The following OR51A4 variants were observed in gnomAD, a reference collection of about 807,000 sequenced individuals.
OR51A4 encodes the protein olfactory receptor family 51 subfamily A member 4.
For missense variants in OR51A4, 243 were observed against 364.0 expected, an observed-to-expected ratio of 0.67 and a Z score of 2.70; for synonymous variants, 96 against 141.5, an observed-to-expected ratio of 0.68 and a Z score of 2.28.
rs763198309 is a variant in OR51A4, at chr11:4,946,320, C to A, written c.781G>T (p.Val261Phe). Reference protein sequence around the residue: ...IFYLPIINLAVVHRFARHVSP... With the variant: ...IFYLPIINLAFVHRFARHVSP... ...ACATGCCGGGCAAAGCGGTGGACAA[C>A]GGCCAGGTTGATGATGGGCAGGTAG... is the stretch of plus-strand genomic sequence containing the variant. Residue 261 changes from valine (V) to phenylalanine (F), a missense_variant, in exon 2 of 2, where the codon GTT becomes TTT. By Grantham distance (50) the Val-to-Phe change is conservative. Coordinates refer to ENST00000641898, the MANE Select transcript of OR51A4 (RefSeq NM_001005329.2). 1 of 1,613,838 alleles carries A rather than the reference C, an allele frequency of 6.2e-7. No homozygotes were observed. Among genetic ancestry groups the A allele is most frequent in the East Asian group, 2.2e-5 (1 of 44,872 alleles).
At position 4,943,823 on chromosome 11, in the gene OR51A4, C is replaced by A. The variant is rs536577201; in HGVS notation, c.*2336G>T. ...ACCTCCCCCATTGAGATTTATGTAT[C>A]TTTATTTTATTTTTCATTTCATTTT... On this transcript the variant is annotated 3_prime_UTR_variant, in exon 2 of 2. Coordinates refer to ENST00000641898, the MANE Select transcript of OR51A4 (RefSeq NM_001005329.2). 1 of 442,790 alleles carries A rather than the reference C, an allele frequency of 2.3e-6. No homozygotes were observed. Among genetic ancestry groups the A allele is most frequent in the East Asian group, 7.0e-5 (1 of 14,218 alleles). 27.4% of individuals were successfully genotyped at this position (442,790 alleles called of 1,614,324 possible).
Position 4,946,094 on chromosome 11 carries a change from A to G in OR51A4, c.*65T>C. 3 of 1,385,092 alleles carry G rather than the reference A, an allele frequency of 2.2e-6. No individual in the cohort carries two copies. In the South Asian group the frequency reaches 3.8e-5, roughly 17 times the overall value. 85.8% of individuals were successfully genotyped at this position (1,385,092 alleles called of 1,614,324 possible). A position where few individuals can be genotyped will look rare whatever the true frequency, so the allele number is the denominator to read the frequency against. On this transcript the variant is annotated 3_prime_UTR_variant, in exon 2 of 2. Transcript: ENST00000641898. ...TTGATAATTCTTGGTGTCAAATATT[A>G]GGTTTCTCAAATTTACCTTAAATAT...
rs964109919 is a variant in OR51A4 at position 4,946,054 on chromosome 11, C to T, written c.*105G>A. The T allele has an allele frequency of 7.3e-6, 8 of 1,096,116 alleles. No homozygotes were observed. In the African/African-American group the frequency reaches 1.1e-4, roughly 15 times the overall value. 67.9% of individuals were successfully genotyped at this position (1,096,116 alleles called of 1,614,324 possible). On this transcript the variant is annotated 3_prime_UTR_variant, in exon 2 of 2. Coordinates refer to ENST00000641898, the MANE Select transcript of OR51A4 (RefSeq NM_001005329.2). ...AGTGAATAAAATAACTCTATGACAACAACAAAAATATGTGTTGATAATTCT... is the reference window on the plus strand; with the variant it reads ...AGTGAATAAAATAACTCTATGACAATAACAAAAATATGTGTTGATAATTCT...
chr11:4,943,968 T>A lies in OR51A4; in HGVS notation c.*2191A>T, dbSNP rs1393370922. ...TAAAGCCACCTAATTACTCCTCATC[T>A]TTTTAGTGGAAATGAAGTCTTCATA... On this transcript the variant is annotated 3_prime_UTR_variant, in exon 2 of 2. Coordinates refer to ENST00000641898, the MANE Select transcript of OR51A4 (RefSeq NM_001005329.2). 3 of 409,020 alleles carry A rather than the reference T, an allele frequency of 7.3e-6. No individual in the cohort carries two copies. In the East Asian group the frequency reaches 2.2e-4, roughly 30 times the overall value. 25.3% of individuals were successfully genotyped at this position (409,020 alleles called of 1,614,324 possible).
chr11:4,947,511 A>G lies in OR51A4; in HGVS notation c.-63+34T>C, dbSNP rs1846331194. The G allele has an allele frequency of 1.4e-5, 2 of 140,236 alleles. 1 individual carries two copies. The highest frequency in any genetic ancestry group is 3.1e-5 in the Non-Finnish European group (2 of 64,054). The allele number at this position is 140,236 out of a possible 1,614,324, so 8.7% of individuals were successfully genotyped here. On this transcript the variant is annotated intron_variant, in intron 1 of 1. Coordinates refer to ENST00000641898, the MANE Select transcript of OR51A4 (RefSeq NM_001005329.2). ...AATTGCCAGTAATAATAGTCAAATG[A>G]AAGCTAAATAAATGAGAATACCTGG...
At position 4,943,667 on chromosome 11, in the gene OR51A4, CTT is replaced by C. The variant is rs915610290; in HGVS notation, c.*2490_*2491del. ...TGTCCCCAGACATTGCCAAATGTCT[CTT>C]GGAGGTAACATTGCTGCCAGTTGAG... On this transcript the variant is annotated 3_prime_UTR_variant, in exon 2 of 2. Coordinates refer to ENST00000641898, the MANE Select transcript of OR51A4 (RefSeq NM_001005329.2). 5 of 359,158 alleles carry C rather than the reference CTT, an allele frequency of 1.4e-5. No individual in the cohort carries two copies. The Admixed American group carries it at 1.8e-4, about 13-fold the overall frequency. 22.2% of individuals were successfully genotyped at this position (359,158 alleles called of 1,614,324 possible).
Position 4,944,924 on chromosome 11 carries a change from T to A in OR51A4, c.*1235A>T, listed in dbSNP as rs1010934753. The A allele has an allele frequency of 6.6e-6, 1 of 152,172 alleles. No individual in the cohort carries two copies. The highest frequency in any genetic ancestry group is 1.5e-5 in the Non-Finnish European group (1 of 68,020). 9.4% of individuals were successfully genotyped at this position (152,172 alleles called of 1,614,324 possible). On this transcript the variant is annotated 3_prime_UTR_variant, in exon 2 of 2. Transcript: ENST00000641898. ...TTTTCAACAAACATGGTCTTATTTT[T>A]AAATTCATTCATTAGCAATTATTTA...
intron 1 of OR51A4, 114 bp from the exon 2 acceptor site, chr11:4,947,276 T>A: frequency 2.1e-6 from 1 of 475,294 alleles, no homozygotes. Context: ...GGTTGGTTGC[T>A]GCTTTGGACT....
rs1846329590 is a variant in OR51A4 at position 4,947,417 on chromosome 11, G to A, written c.-63+128C>T. On this transcript the variant is annotated intron_variant, in intron 1 of 1. Transcript: ENST00000641898. ...TTCCTGTAAAATATTAGTAAACGCTGGTCAATTAACTGGAATCTTCTATTT... is the reference window on the plus strand; with the variant it reads ...TTCCTGTAAAATATTAGTAAACGCTAGTCAATTAACTGGAATCTTCTATTT... The A allele has an allele frequency of 4.7e-5, 10 of 211,502 alleles. 1 individual carries two copies. The South Asian group carries it at 8.7e-4, about 18-fold the overall frequency. The allele number at this position is 211,502 out of a possible 1,614,324, so 13.1% of individuals were successfully genotyped here.
rs1209280730 is a variant in OR51A4 at position 4,945,220 on chromosome 11, T to C, written c.*939A>G. ...ATACAAACTAGGGCTAGGTAATCTA[T>C]GAGGAAATTAAGCCAAAATTTAAAG... On this transcript the variant is annotated 3_prime_UTR_variant, in exon 2 of 2. Coordinates refer to ENST00000641898, the MANE Select transcript of OR51A4 (RefSeq NM_001005329.2). The C allele has an allele frequency of 2.0e-5, 3 of 152,032 alleles. No homozygotes were observed. Among genetic ancestry groups the C allele is most frequent in the Admixed American group, 6.6e-5 (1 of 15,252 alleles). The allele number at this position is 152,032 out of a possible 1,614,324, so 9.4% of individuals were successfully genotyped here.
In OR51A4 at chr11:4,943,406, G is replaced by T; in HGVS notation, c.*2753C>A. On this transcript the variant is annotated 3_prime_UTR_variant, in exon 2 of 2. Transcript: ENST00000641898. ...CTCTGGTATCAGATTGCCCCTAGGT[G>T]CTGTGTAGGTGAGCTCAAGGTAATT... is the stretch of plus-strand genomic sequence containing the variant. 1 of 451,136 alleles carries T rather than the reference G, an allele frequency of 2.2e-6. No homozygotes were observed. Among genetic ancestry groups the T allele is most frequent in the South Asian group, 1.6e-5 (1 of 63,704 alleles). 27.9% of individuals were successfully genotyped at this position (451,136 alleles called of 1,614,324 possible). A position where few individuals can be genotyped will look rare whatever the true frequency, so the allele number is the denominator to read the frequency against.
Position 4,947,467 on chromosome 11 carries a change from C to T in OR51A4, c.-63+78G>A. 1.2e-5 allele frequency: 2 copies of T among 170,490 alleles called. 1 individual carries two copies. The highest frequency in any genetic ancestry group is 2.4e-5 in the Non-Finnish European group (2 of 82,182). 10.6% of individuals were successfully genotyped at this position (170,490 alleles called of 1,614,324 possible). On this transcript the variant is annotated intron_variant, in intron 1 of 1. Transcript: ENST00000641898. ...TCTTGCTCTCAGATCTATGTTCTGA[C>T]CTTCAGTTCTATGTGATTAATTGCC...
Position 4,944,116 on chromosome 11 carries a change from G to T in OR51A4, c.*2043C>A, listed in dbSNP as rs1410610734. 3.1e-5 allele frequency: 14 copies of T among 455,450 alleles called. No individual in the cohort carries two copies. Among genetic ancestry groups the T allele is most frequent in the Non-Finnish European group, 5.3e-5 (12 of 226,454 alleles). 28.2% of individuals were successfully genotyped at this position (455,450 alleles called of 1,614,324 possible). A position where few individuals can be genotyped will look rare whatever the true frequency, so the allele number is the denominator to read the frequency against. ...CCCATATCTGTATTTGTAAGGTTTT[G>T]GAAAAGGTAGATAGATACAGTTATG... On this transcript the variant is annotated 3_prime_UTR_variant, in exon 2 of 2. Transcript: ENST00000641898.
In OR51A4 at chr11:4,946,758, A is replaced by T; in HGVS notation, c.343T>A (p.Ser115Thr). Reference protein sequence around the residue: ...FIHGFSVLESSVLLIMSFDRF... With the variant: ...FIHGFSVLESTVLLIMSFDRF... ...TCAAATGACATGATCAGGAGGACTG[A>T]GGACTCCAGTACTGAGAATCCATGA... Residue 115 changes from serine to threonine, a missense_variant, in exon 2 of 2, where the codon TCA becomes ACA. By Grantham distance (58) the Ser-to-Thr change is moderately conservative. Coordinates refer to ENST00000641898, the MANE Select transcript of OR51A4 (RefSeq NM_001005329.2). 1 of 1,588,498 alleles carries T rather than the reference A, an allele frequency of 6.3e-7. No homozygotes were observed. Among genetic ancestry groups the T allele is most frequent in the Non-Finnish European group, 8.6e-7 (1 of 1,161,126 alleles).
rs1846240750 is a variant in OR51A4, at chr11:4,943,164, A to C, written c.*2995T>G. 5.3e-6 allele frequency: 1 copy of C among 188,712 alleles called. No homozygotes were observed. The highest frequency in any genetic ancestry group is 5.8e-5 in the Admixed American group (1 of 17,102). 11.7% of individuals were successfully genotyped at this position (188,712 alleles called of 1,614,324 possible). On this transcript the variant is annotated 3_prime_UTR_variant, in exon 2 of 2. Coordinates refer to ENST00000641898, the MANE Select transcript of OR51A4 (RefSeq NM_001005329.2). ...TCCCACAAACCTCTCACAAATGACC[A>C]ATGTCCAATAGAAAAACAAAATGAA...
chr11:4,943,266 T>G lies in OR51A4; in HGVS notation c.*2893A>C, dbSNP rs1247620334. The G allele has an allele frequency of 4.3e-6, 1 of 234,032 alleles. No individual in the cohort carries two copies. Among genetic ancestry groups the G allele is most frequent in the African/African-American group, 2.3e-5 (1 of 43,382 alleles). 14.5% of individuals were successfully genotyped at this position (234,032 alleles called of 1,614,324 possible). ...AACTTGCCTTTTGGTAAGGTTTACA[T>G]CCTTTGCATTCATCTTTGTACACTT... On this transcript the variant is annotated 3_prime_UTR_variant, in exon 2 of 2. Coordinates refer to ENST00000641898, the MANE Select transcript of OR51A4 (RefSeq NM_001005329.2).
Position 4,946,144 on chromosome 11 carries a change from T to C in OR51A4, c.*15A>G, listed in dbSNP as rs770649693. ...TCTTACCAGACATTTCCAGGTTTTC[T>C]GTCACATATGACTGTTAAATCTTCC... is the stretch of plus-strand genomic sequence containing the variant. On this transcript the variant is annotated 3_prime_UTR_variant, in exon 2 of 2. Coordinates refer to ENST00000641898, the MANE Select transcript of OR51A4 (RefSeq NM_001005329.2). 8 of 1,606,494 alleles carry C rather than the reference T, an allele frequency of 5.0e-6. No individual in the cohort carries two copies. The highest frequency in any genetic ancestry group is 2.2e-5 in the East Asian group (1 of 44,844).
Position 4,946,128 on chromosome 11 carries a change from A to T in OR51A4, c.*31T>A. Reference sequence around the variant, plus strand: ...AAATTTACCTTAAATATCTTACCAGACATTTCCAGGTTTTCTGTCACATAT... The same window carrying T: ...AAATTTACCTTAAATATCTTACCAGTCATTTCCAGGTTTTCTGTCACATAT... On this transcript the variant is annotated 3_prime_UTR_variant, in exon 2 of 2. Transcript: ENST00000641898. 1.3e-6 allele frequency: 2 copies of T among 1,578,224 alleles called. No homozygotes were observed. The highest frequency in any genetic ancestry group is 1.7e-6 in the Non-Finnish European group (2 of 1,149,232).
chr11:4,943,887 T>C lies in OR51A4; in HGVS notation c.*2272A>G, dbSNP rs1443281245. On this transcript the variant is annotated 3_prime_UTR_variant, in exon 2 of 2. Coordinates refer to ENST00000641898, the MANE Select transcript of OR51A4 (RefSeq NM_001005329.2). ...AAAACCCCTAAAATACAGATGATCT[T>C]TGATACTCTTTTATGTGACATCTAT... 1 of 446,998 alleles carries C rather than the reference T, an allele frequency of 2.2e-6. No individual in the cohort carries two copies. The highest frequency in any genetic ancestry group is 1.6e-5 in the South Asian group (1 of 62,148). The allele number at this position is 446,998 out of a possible 1,614,324, so 27.7% of individuals were successfully genotyped here.
Sources: allele counts gnomAD v4.1 joint callset, GRCh38; gene constraint gnomAD v4.1.1; transcripts MANE v1.5; gene names NCBI Gene and HGNC (gene_info 2026-07-23, HGNC 2026-07-21).